PGAP6: variants seen among roughly 807,000 people sequenced by gnomAD.
The protein encoded by PGAP6 is post-GPI attachment to proteins 6.
PGAP6 carries 62 observed loss-of-function variants against 68.4 expected under a neutral mutation model. That is an observed-to-expected ratio of 0.91 (90% confidence interval 0.74 to 1.12). The LOEUF is 1.12. Among genes scored for constraint, PGAP6 ranks in the 50% most tolerant of loss-of-function variants. The probability of loss-of-function intolerance (pLI) is 0.00; values close to 1 mark genes in which losing one functional copy is unlikely to be tolerated. For missense variants in PGAP6, 1,188 were observed against 1,068.5 expected, an observed-to-expected ratio of 1.11 and a Z score of -1.56; for synonymous variants, 575 against 474.0, an observed-to-expected ratio of 1.21 and a Z score of -2.77.
At chr16:383,670 A>C (rs1470805272), upstream of PGAP6, among the ~76,000 whole-genome samples, 1 of 152,260 alleles carries the variant, frequency 6.6e-6, no homozygotes, top group Non-Finnish European at 1.5e-5. Flanking sequence ...CCATTTGTGT[A>C]GAAAAGGGAG....
Position 374,790 on chromosome 16 carries a change from G to A in PGAP6, c.1542C>T (p.His514=), listed in dbSNP as rs1184492962. The change falls in exon 9 of 13, where the codon CAC becomes CAT. Residue 514 remains histidine (H), a synonymous_variant. Coordinates refer to ENST00000431232, the MANE Select transcript of PGAP6 (RefSeq NM_021259.3). Reference sequence around the variant, plus strand: ...AGCTGCAGCTGGCATACAGGTAGCTGTGTCTGCGGAGCAGGAGGCACTGGC... The same window carrying A: ...AGCTGCAGCTGGCATACAGGTAGCTATGTCTGCGGAGCAGGAGGCACTGGC... ...PYGQCLLLRR[H]SYLYASCSCK... 5 of 1,612,826 alleles carry A rather than the reference G, an allele frequency of 3.1e-6. No homozygotes were observed. Among genetic ancestry groups the A allele is most frequent in the Non-Finnish European group, 4.2e-6 (5 of 1,179,948 alleles).
Position 371,810 on chromosome 16 carries a change from G to T in PGAP6, c.*177C>A. ...TCAGCAGCGAGCAGGCAGCTGGCGA[G>T]GAGAGGTGCGTGTGAGGGAGGGGTG... On this transcript the variant is annotated 3_prime_UTR_variant, in exon 13 of 13. Coordinates refer to ENST00000431232, the MANE Select transcript of PGAP6 (RefSeq NM_021259.3). The T allele has an allele frequency of 3.2e-6, 2 of 632,560 alleles. No homozygotes were observed. The highest frequency in any genetic ancestry group is 3.0e-5 in the Admixed American group (1 of 33,742). The allele number at this position is 632,560 out of a possible 1,614,324, so 39.2% of individuals were successfully genotyped here.
Position 377,373 on chromosome 16 carries a change from C to T in PGAP6, c.507+5G>A, listed in dbSNP as rs549388172. ...GCCTCCATCCCGGAGGGCAGCCCCCCTCACCTTCAACTCGATCTTCTGGGA... is the reference window on the plus strand; with the variant it reads ...GCCTCCATCCCGGAGGGCAGCCCCCTTCACCTTCAACTCGATCTTCTGGGA... On this transcript the variant is annotated splice_donor_5th_base_variant and intron_variant, in intron 3 of 12. Transcript: ENST00000431232. The T allele has an allele frequency of 2.7e-5, 42 of 1,583,944 alleles. No homozygotes were observed. Among genetic ancestry groups the T allele is most frequent in the Middle Eastern group, 1.9e-4 (1 of 5,198 alleles).
At position 381,947 on chromosome 16, in the gene PGAP6, G is replaced by T. The variant is rs1011230810; in HGVS notation, c.-126C>A. ...CCTCTGCCCCCGGCGCCCATGGCCC[G>T]GCCGGTCCCCGCCGCCGTCGCCCCG... On this transcript the variant is annotated 5_prime_UTR_variant, in exon 1 of 13. Coordinates refer to ENST00000431232, the MANE Select transcript of PGAP6 (RefSeq NM_021259.3). 25 of 973,364 alleles carry T rather than the reference G, an allele frequency of 2.6e-5. No individual in the cohort carries two copies. Among genetic ancestry groups the T allele is most frequent in the Non-Finnish European group, 2.8e-5 (23 of 820,780 alleles). The allele number at this position is 973,364 out of a possible 1,614,324, so 60.3% of individuals were successfully genotyped here.
chr16:385,710 C>T (rs370015203), upstream of PGAP6, among the ~76,000 whole-genome samples: 138 of 148,408 alleles, frequency 9.3e-4, 1 homozygote, highest in African/African-American at 3.0e-3. Context: ...CTGCAAGCTC[C>T]GCCTCCCAGG....
At position 377,127 on chromosome 16, in the gene PGAP6, T is replaced by A; in HGVS notation, c.545A>T (p.Glu182Val). 1 of 1,613,620 alleles carries A rather than the reference T, an allele frequency of 6.2e-7. No homozygotes were observed. The highest frequency in any genetic ancestry group is 8.5e-7 in the Non-Finnish European group (1 of 1,180,008). ...APTCAYVFQP[E>V]LLVTRVVEIS... ...CTCGACCACCCGCGTGACCAGCAGT[T>A]CAGGCTGGAAGACGTAGGCACAGGT... Residue 182 changes from glutamate (E) to valine (V), a missense_variant, in exon 4 of 13, where the codon GAA (glutamate) becomes GTA (valine). Coordinates refer to ENST00000431232, the MANE Select transcript of PGAP6 (RefSeq NM_021259.3).
In PGAP6 at chr16:377,025, G is replaced by GC; in HGVS notation, c.635+11dup. Reference sequence around the variant, plus strand: ...AGGGCAGAGCCGGGCTGCCCCCCAGGCCCCCGCTCACTTGAGGTAGCTGGG... The same window carrying GC: ...AGGGCAGAGCCGGGCTGCCCCCCAGGCCCCCCGCTCACTTGAGGTAGCTGGG... On this transcript the variant is annotated intron_variant, in intron 4 of 12. Transcript: ENST00000431232. 1 of 1,612,386 alleles carries GC rather than the reference G, an allele frequency of 6.2e-7. No individual in the cohort carries two copies. Among genetic ancestry groups the GC allele is most frequent in the Middle Eastern group, 1.7e-4 (1 of 6,054 alleles).
upstream of PGAP6, chr16:382,590 C>G (rs1169586512): frequency 7.8e-6 from 2 of 257,902 alleles, no homozygotes; most frequent in African/African-American, 4.5e-5. Flanking sequence ...CAACTCCCGG[C>G]GCTTTGCACC....
upstream of PGAP6, among the ~76,000 whole-genome samples, chr16:386,399 T>C (rs2054484998): frequency 6.6e-6 from 1 of 152,120 alleles, no homozygotes; most frequent in African/African-American, 2.4e-5. Context: ...TGTCTGTTCA[T>C]GGCCACCTGG....
intron 4 of PGAP6, 47 bp from the exon 5 acceptor site, chr16:376,859 C>A (rs771711313): frequency 1.0e-5 from 16 of 1,594,632 alleles, no homozygotes; most frequent in Non-Finnish European, 1.2e-5. Flanking sequence ...ATTCCTCAGC[C>A]CAGGGACGCA....
intron 11 of PGAP6, 30 bp downstream of exon 11, chr16:373,975 A>G (rs2054356480): frequency 5.7e-6 from 9 of 1,577,840 alleles, no homozygotes; most frequent in Non-Finnish European, 7.7e-6. Context: ...GCTCCCCCGG[A>G]GCCCACACCC....
rs910758213 is a variant in PGAP6, at chr16:371,921, G to A, written c.*66C>T. The A allele has an allele frequency of 2.3e-5, 36 of 1,535,902 alleles. No homozygotes were observed. Among genetic ancestry groups the A allele is most frequent in the South Asian group, 1.7e-4 (14 of 81,906 alleles). On this transcript the variant is annotated 3_prime_UTR_variant, in exon 13 of 13. Transcript: ENST00000431232. Reference sequence around the variant, plus strand: ...CAATCTGTCCAGGGCTGGACCAGGCGCCTCCCCCTCGATACAGCTCCTGGC... The same window carrying A: ...CAATCTGTCCAGGGCTGGACCAGGCACCTCCCCCTCGATACAGCTCCTGGC...
In PGAP6 at chr16:370,985, AG is replaced by A. The variant is rs1287842031; in HGVS notation, c.*1001del. 1 of 152,214 alleles carries A rather than the reference AG, an allele frequency of 6.6e-6. No individual in the cohort carries two copies. Among genetic ancestry groups the A allele is most frequent in the African/African-American group, 2.4e-5 (1 of 41,406 alleles). The allele number at this position is 152,214 out of a possible 1,614,324, so 9.4% of individuals were successfully genotyped here. On this transcript the variant is annotated 3_prime_UTR_variant, in exon 13 of 13. Coordinates refer to ENST00000431232, the MANE Select transcript of PGAP6 (RefSeq NM_021259.3). ...GCTGGGGGAGGTAAGACCTTCAGGAAGGCCATATCCCGGACAAGACCCAGAA... is the reference window on the plus strand; with the variant it reads ...GCTGGGGGAGGTAAGACCTTCAGGAAGCCATATCCCGGACAAGACCCAGAA...
chr16:381,831 C>T lies in PGAP6; in HGVS notation c.-10G>A. ...TGCCAGCCCGGCCCATGGCTCCGCG[C>T]TCGGCCCGGCGCTACCCGGCCCGCG... On this transcript the variant is annotated 5_prime_UTR_variant, in exon 1 of 13. Transcript: ENST00000431232. 9.6e-7 allele frequency: 1 copy of T among 1,042,680 alleles called. No individual in the cohort carries two copies. Among genetic ancestry groups the T allele is most frequent in the Admixed American group, 5.7e-5 (1 of 17,570 alleles). 64.6% of individuals were successfully genotyped at this position (1,042,680 alleles called of 1,614,324 possible). A position where few individuals can be genotyped will look rare whatever the true frequency, so the allele number is the denominator to read the frequency against.
chr16:375,519 G>T (rs2054374653), intron 6 of PGAP6, 84 bp from the exon 7 acceptor site: 2 of 1,161,520 alleles, frequency 1.7e-6, no homozygotes, highest in Non-Finnish European at 2.5e-6. Context: ...GCTCAGCCTG[G>T]TGCTGGTGCC....
chr16:382,190 G>C (rs536522810), upstream of PGAP6: 3 of 391,702 alleles, frequency 7.7e-6, no homozygotes, highest in Non-Finnish European at 1.4e-5. Context: ...GATCGCGGGG[G>C]TCCCAGGACG....
intron 6 of PGAP6, among the ~76,000 whole-genome samples, 165 bp downstream of exon 6, chr16:375,971 C>T (rs546364090): frequency 1.3e-5 from 2 of 150,594 alleles, no homozygotes; most frequent in East Asian, 3.9e-4. Flanking sequence ...AGGAACAAGG[C>T]TGCCCAGCAG....
At chr16:379,421 C>T (rs898593287) in intron 1 of PGAP6, among the ~76,000 whole-genome samples, 6 of 152,258 alleles carry the variant, frequency 3.9e-5, no homozygotes, top group Admixed American at 1.3e-4. Flanking sequence ...CCACCCACGA[C>T]GCACTCCAGG....
At chr16:380,805 G>A (rs2054430618) in intron 1 of PGAP6, among the ~76,000 whole-genome samples, 1 of 152,100 alleles carries the variant, frequency 6.6e-6, no homozygotes, top group African/African-American at 2.4e-5. Context: ...CAGGGGAGGG[G>A]AGGGGCTGGG....
Sources: allele counts gnomAD v4.1 joint callset (sites outside exome capture counted in the v4.1 genomes callset), GRCh38; gene constraint gnomAD v4.1.1; transcripts MANE v1.5; gene names NCBI Gene and HGNC (gene_info 2026-07-23, HGNC 2026-07-21).